Variants in KIAA1549L observed in about 807,000 individuals in gnomAD.
KIAA1549L encodes KIAA1549 like, also known as UPF0606 protein KIAA1549L.
In KIAA1549L, 88 loss-of-function variants were observed where a neutral mutation model predicts 160.7. The observed-to-expected ratio is 0.55, with a 90% confidence interval of 0.46 to 0.65. The LOEUF is 0.65. Among genes scored for constraint, KIAA1549L ranks in the 30% least tolerant of loss-of-function variants. The pLI is 0.00. For missense variants in KIAA1549L, 2,258 were observed against 2,437.5 expected (o/e 0.93, Z 1.55); for synonymous variants, 950 against 976.7 (o/e 0.97, Z 0.51).
At chr11:33,603,055 C>G (rs1850404586) in intron 13 of KIAA1549L, among the ~76,000 whole-genome samples, 1 of 152,100 alleles carries the variant, frequency 6.6e-6, no homozygotes, top group African/African-American at 2.4e-5. Context: ...TCTTCACCCT[C>G]TGATGGGTTG....
intron 1 of KIAA1549L, among the ~76,000 whole-genome samples, chr11:33,490,740 GACTC>G (rs1475594367): frequency 1.3e-5 from 2 of 152,136 alleles, no homozygotes; most frequent in African/African-American, 4.8e-5. Flanking sequence ...TGTTAGCAGG[GACTC>G]AGGTGCCTGC....
intron 1 of KIAA1549L, among the ~76,000 whole-genome samples, chr11:33,510,361 A>G (rs1348060450): frequency 6.6e-6 from 1 of 151,934 alleles, no homozygotes; most frequent in African/African-American, 2.4e-5. Context: ...AATTTTTCGT[A>G]CTTGTAGTAG....
chr11:33,439,198 C>G (rs1851442328), intron 1 of KIAA1549L, among the ~76,000 whole-genome samples: 1 of 152,096 alleles, frequency 6.6e-6, no homozygotes, highest in Non-Finnish European at 1.5e-5. Context: ...GGGTGTGAGC[C>G]ACCGTGTCTG....
At chr11:33,387,567 A>G (rs1014917260) in intron 1 of KIAA1549L, among the ~76,000 whole-genome samples, 3 of 152,158 alleles carry the variant, frequency 2.0e-5, no homozygotes, top group Admixed American at 2.0e-4. Flanking sequence ...CGGCCTCCCA[A>G]AGTGCTGGGA....
intron 1 of KIAA1549L, among the ~76,000 whole-genome samples, chr11:33,405,992 C>T (rs984279244): frequency 6.6e-6 from 1 of 152,052 alleles, no homozygotes; most frequent in African/African-American, 2.4e-5. Flanking sequence ...AATGGGTTCT[C>T]CAAGTAAGGC....
intron 8 of KIAA1549L, among the ~76,000 whole-genome samples, chr11:33,566,361 G>A (rs188047292): frequency 1.1e-3 from 172 of 152,292 alleles, no homozygotes; most frequent in African/African-American, 4.0e-3. Context: ...TCTTTGAACC[G>A]GCAAGTACAT....
intron 1 of KIAA1549L, among the ~76,000 whole-genome samples, chr11:33,384,419 C>G (rs893437537): frequency 3.3e-5 from 5 of 152,198 alleles, no homozygotes; most frequent in African/African-American, 9.7e-5. Flanking sequence ...GGAAGTCTTT[C>G]TGTGGGCAGT....
At chr11:33,592,575 G>A (rs1850089799) in intron 12 of KIAA1549L, among the ~76,000 whole-genome samples, 1 of 152,156 alleles carries the variant, frequency 6.6e-6, no homozygotes, top group Non-Finnish European at 1.5e-5. Context: ...TTGATCATTT[G>A]CTGTTTATCA....
intron 1 of KIAA1549L, among the ~76,000 whole-genome samples, chr11:33,462,993 A>G (rs1851973302): frequency 6.6e-6 from 1 of 151,820 alleles, no homozygotes. Context: ...TGCCTGGCTA[A>G]TTCTTTTTCT....
In KIAA1549L at chr11:33,646,056, C is replaced by G; in HGVS notation, c.5760+20C>G. The G allele has an allele frequency of 6.6e-7, 1 of 1,513,890 alleles. No individual in the cohort carries two copies. Among genetic ancestry groups the G allele is most frequent in the East Asian group, 2.5e-5 (1 of 40,658 alleles). 93.8% of individuals were successfully genotyped at this position (1,513,890 alleles called of 1,614,324 possible). ...CGGCCGGTAAGTCATTCATTCCACCCACCTGCCATCATCTGGTCAGTCTGC... is the reference window on the plus strand; with the variant it reads ...CGGCCGGTAAGTCATTCATTCCACCGACCTGCCATCATCTGGTCAGTCTGC... On this transcript the variant is annotated intron_variant, in intron 17 of 20. Coordinates refer to ENST00000658780, the MANE Select transcript of KIAA1549L (RefSeq NM_012194.3).
intron 12 of KIAA1549L, among the ~76,000 whole-genome samples, chr11:33,598,385 T>C (rs375863220): frequency 4.5e-4 from 69 of 152,308 alleles, no homozygotes; most frequent in African/African-American, 1.3e-3. Flanking sequence ...TCAAAGTCTA[T>C]GTGGTAAAGA....
At chr11:33,583,631 A>C in intron 11 of KIAA1549L, 130 bp downstream of exon 11, 1 of 814,754 alleles carries the variant, frequency 1.2e-6, no homozygotes, top group Non-Finnish European at 1.9e-6. Flanking sequence ...ATTTTGAAGG[A>C]GATCCTTCCT....
At chr11:33,432,278 G>C (rs1433872964) in intron 1 of KIAA1549L, among the ~76,000 whole-genome samples, 1 of 152,198 alleles carries the variant, frequency 6.6e-6, no homozygotes, top group African/African-American at 2.4e-5. Flanking sequence ...AACGAGGGCT[G>C]TGAGGACTGC....
intron 1 of KIAA1549L, among the ~76,000 whole-genome samples, chr11:33,411,224 G>A (rs1850778730): frequency 6.6e-6 from 1 of 152,206 alleles, no homozygotes; most frequent in Admixed American, 6.5e-5. Flanking sequence ...TATTTATAAT[G>A]ACCACCCTCT....
chr11:33,659,893 T>C (rs1051324869), intron 19 of KIAA1549L, among the ~76,000 whole-genome samples: 4 of 152,194 alleles, frequency 2.6e-5, no homozygotes, highest in African/African-American at 4.8e-5. Context: ...TGAGTGGGGC[T>C]GCATGGCAGG....
chr11:33,495,147 TTAAG>T (rs1306737465), intron 1 of KIAA1549L, among the ~76,000 whole-genome samples: 1 of 152,040 alleles, frequency 6.6e-6, no homozygotes, highest in Non-Finnish European at 1.5e-5. Flanking sequence ...TTATTATACT[TTAAG>T]TTTTAGGGTA....
chr11:33,387,549 G>A (rs1285052338), intron 1 of KIAA1549L, among the ~76,000 whole-genome samples: 6 of 152,056 alleles, frequency 3.9e-5, no homozygotes, highest in Admixed American at 6.6e-5. Context: ...CAAGTAATCT[G>A]CCAGTCTCGG....
chr11:33,575,345 G>T (rs888323622), intron 10 of KIAA1549L, among the ~76,000 whole-genome samples: 1 of 152,358 alleles, frequency 6.6e-6, no homozygotes, highest in East Asian at 1.9e-4. Context: ...AAAAGGCAGT[G>T]TGTGTTAGGG....
chr11:33,554,619 G>A (rs769205201), intron 6 of KIAA1549L, among the ~76,000 whole-genome samples: 5 of 152,172 alleles, frequency 3.3e-5, no homozygotes, highest in Non-Finnish European at 5.9e-5. Context: ...GAACCAAAGT[G>A]CCTTTCCTGG....
Sources: allele counts gnomAD v4.1 joint callset (sites outside exome capture counted in the v4.1 genomes callset), GRCh38; gene constraint gnomAD v4.1.1; transcripts MANE v1.5; gene names NCBI Gene and HGNC (gene_info 2026-07-23, HGNC 2026-07-21).